Variants in PIK3R3 observed in about 807,000 individuals in gnomAD.
PIK3R3 encodes phosphoinositide-3-kinase regulatory subunit 3, also known as phosphatidylinositol 3-kinase regulatory subunit gamma.
In PIK3R3, 64 loss-of-function variants were observed where a neutral mutation model predicts 62.9. That is an observed-to-expected ratio of 1.02 (90% CI 0.83 to 1.25). PIK3R3 has a LOEUF of 1.25. Ranked by LOEUF, PIK3R3 falls within the 50% of genes most tolerant of loss-of-function variation. The probability of loss-of-function intolerance (pLI) is 0.00; values close to 1 mark genes in which losing one functional copy is unlikely to be tolerated. For missense variants in PIK3R3, 614 were observed against 561.6 expected (o/e 1.09, Z -0.94); for synonymous variants, 165 against 189.0 (o/e 0.87, Z 1.04).
chr1:46,051,953 C>T (rs1419371138), intron 7 of PIK3R3, among the ~76,000 whole-genome samples: 2 of 152,078 alleles, frequency 1.3e-5, no homozygotes, highest in East Asian at 1.9e-4. Flanking sequence ...CTGGCTAACA[C>T]AGTGAAACCC....
At chr1:46,159,521 A>T in the PIK3R3 span, among the ~76,000 whole-genome samples, 1 of 152,308 alleles carries the variant, frequency 6.6e-6, no homozygotes, top group Non-Finnish European at 1.5e-5. Flanking sequence ...TCTGCCCCTT[A>T]AGGACCAGAT....
intron 1 of PIK3R3, among the ~76,000 whole-genome samples, chr1:46,105,905 CT>C (rs1191433544): frequency 6.6e-6 from 1 of 152,020 alleles, no homozygotes; most frequent in African/African-American, 2.4e-5. Flanking sequence ...AGTAAAAGCA[CT>C]GTGTACCCAT....
chr1:46,148,707 C>T, the PIK3R3 span, among the ~76,000 whole-genome samples: 1 of 151,314 alleles, frequency 6.6e-6, no homozygotes, highest in Non-Finnish European at 1.5e-5. Flanking sequence ...ATTTACTACT[C>T]TTGAAGAACC....
At chr1:46,066,322 T>C in intron 4 of PIK3R3, 143 bp from the exon 5 acceptor site, 1 of 611,632 alleles carries the variant, frequency 1.6e-6, no homozygotes. Flanking sequence ...TAAGCCACTG[T>C]ATTAATATCA....
At chr1:46,078,406 A>G (rs1384626445) in intron 2 of PIK3R3, among the ~76,000 whole-genome samples, 5 of 152,040 alleles carry the variant, frequency 3.3e-5, no homozygotes, top group Non-Finnish European at 5.9e-5. Context: ...ACGTGGTGGC[A>G]GGGCAAGCGC....
At chr1:46,147,257 C>G in the PIK3R3 span, among the ~76,000 whole-genome samples, 1 of 152,164 alleles carries the variant, frequency 6.6e-6, no homozygotes, top group Non-Finnish European at 1.5e-5. Flanking sequence ...GTGCCTGCCA[C>G]AAGGCCCAGC....
At chr1:46,093,842 G>A in intron 1 of PIK3R3, among the ~76,000 whole-genome samples, 1 of 145,988 alleles carries the variant, frequency 6.8e-6, no homozygotes. Context: ...GTGACAGAGT[G>A]AGACTCCATC....
At chr1:46,080,337 C>A (rs1411154735) in intron 2 of PIK3R3, among the ~76,000 whole-genome samples, 1 of 152,038 alleles carries the variant, frequency 6.6e-6, no homozygotes. Context: ...GCATGGCTTA[C>A]AGGTGTGAGC....
In PIK3R3 at chr1:46,041,296, G is replaced by C. The variant is rs1646992114; in HGVS notation, c.*2377C>G. 6.3e-6 allele frequency: 1 copy of C among 158,128 alleles called. No homozygotes were observed. Among genetic ancestry groups the C allele is most frequent in the South Asian group, 2.1e-4 (1 of 4,856 alleles). 9.8% of individuals were successfully genotyped at this position (158,128 alleles called of 1,614,324 possible). ...GGTCAAGCAAGTCATGTGGCAACTG[G>C]TCAGAAAAGATACTGTCAAACCTCT... On this transcript the variant is annotated 3_prime_UTR_variant, in exon 10 of 10. Transcript: ENST00000262741.
the PIK3R3 span, among the ~76,000 whole-genome samples, chr1:46,161,956 G>A: frequency 1.3e-5 from 2 of 152,068 alleles, no homozygotes; most frequent in African/African-American, 4.8e-5. Context: ...GCTGGGCGTG[G>A]TGGCGGGCAC....
the PIK3R3 span, among the ~76,000 whole-genome samples, chr1:46,142,097 G>C: frequency 6.6e-6 from 1 of 152,234 alleles, no homozygotes; most frequent in African/African-American, 2.4e-5. Context: ...TCAAAAGCCT[G>C]TAAACCTGTA....
intron 1 of PIK3R3, among the ~76,000 whole-genome samples, chr1:46,110,759 A>G (rs896641805): frequency 3.2e-4 from 47 of 148,672 alleles, no homozygotes; most frequent in African/African-American, 1.2e-3. Flanking sequence ...TACCATAGAG[A>G]GGAAGTGAAG....
chr1:46,110,416 T>C (rs1009087879), intron 1 of PIK3R3, among the ~76,000 whole-genome samples: 1 of 151,460 alleles, frequency 6.6e-6, no homozygotes, highest in Non-Finnish European at 1.5e-5. Flanking sequence ...GCCACCAGGC[T>C]CAGCCTGAGC....
chr1:46,088,200 C>A (rs2149423933), intron 1 of PIK3R3, among the ~76,000 whole-genome samples: 1 of 152,138 alleles, frequency 6.6e-6, no homozygotes, highest in South Asian at 2.1e-4. Flanking sequence ...GCCTGGGCAA[C>A]AGAGCAAGAT....
At chr1:46,070,649 A>G (rs1649397610) in intron 3 of PIK3R3, among the ~76,000 whole-genome samples, 1 of 152,248 alleles carries the variant, frequency 6.6e-6, no homozygotes, top group Non-Finnish European at 1.5e-5. Context: ...CCTTCTCCAC[A>G]TTCAGCAGCT....
chr1:46,095,485 AAC>A (rs956104321), intron 1 of PIK3R3, among the ~76,000 whole-genome samples: 1 of 152,176 alleles, frequency 6.6e-6, no homozygotes, highest in Non-Finnish European at 1.5e-5. Flanking sequence ...GGCAGGGAAC[AAC>A]ACACTCTGGG....
At chr1:46,100,453 G>A (rs560982541) in intron 1 of PIK3R3, among the ~76,000 whole-genome samples, 136 of 152,090 alleles carry the variant, frequency 8.9e-4, no homozygotes, top group Non-Finnish European at 1.7e-3. Context: ...TATATTCGGG[G>A]GTTCTATTTC....
chr1:46,165,751 C>CTTTTTTTTTTTTTTTTTTTTTTTTTTT, the PIK3R3 span, among the ~76,000 whole-genome samples: 2 of 39,554 alleles, frequency 5.1e-5, 1 homozygote, highest in Non-Finnish European at 9.1e-5. Context: ...CTGCTTTGTC[C>CTTTTTTTTTTTTTTTTTTTTTTTTTTT]TTTTTTTTTT....
chr1:46,071,753 A>C lies in PIK3R3; in HGVS notation c.315-4662T>G, dbSNP rs939933847. ...TATAGAGAGAGAGAGAGAGAGAGAG[A>C]GAGAGAGCGCGCGCCTGATCACAAT... On this transcript the variant is annotated intron_variant, in intron 3 of 9. Coordinates refer to ENST00000262741, the MANE Select transcript of PIK3R3 (RefSeq NM_003629.4). Among the ~76,000 whole-genome samples the C allele has an allele frequency of 1.5e-5, 2 of 132,334 alleles. 1 individual carries two copies. The highest frequency in any genetic ancestry group is 5.6e-5 in the African/African-American group (2 of 35,908). 86.8% of individuals were successfully genotyped at this position (132,334 alleles called of 152,430 possible). A position where few individuals can be genotyped will look rare whatever the true frequency, so the allele number is the denominator to read the frequency against.
Sources: allele counts gnomAD v4.1 joint callset (sites outside exome capture counted in the v4.1 genomes callset), GRCh38; gene constraint gnomAD v4.1.1; transcripts MANE v1.5; gene names NCBI Gene and HGNC (gene_info 2026-07-23, HGNC 2026-07-21).